The following CERS3 variants were observed in gnomAD, a reference collection of about 807,000 sequenced individuals.
The protein encoded by CERS3 is LAG1 homolog, ceramide synthase 3.
Under a neutral mutation model 50.3 loss-of-function variants are expected in CERS3, and 33 were observed. The observed-to-expected ratio is 0.66, with a 90% CI of 0.50 to 0.88. CERS3 has a LOEUF of 0.88. Among genes scored for constraint, CERS3 ranks in the 40% least tolerant of loss-of-function variants. The pLI is 0.00. For synonymous variants in CERS3, 176 were observed against 155.2 expected, an observed-to-expected ratio of 1.13 and a Z score of -0.99; for missense variants, 470 against 460.3, an observed-to-expected ratio of 1.02 and a Z score of -0.19.
chr15:100,526,513 T>TGTGTGTGTGTGTGTGTGTGTGA (rs71151963), intron 1 of CERS3, among the ~76,000 whole-genome samples: 2 of 151,538 alleles, frequency 1.3e-5, no homozygotes, highest in Non-Finnish European at 2.9e-5. Context: ...TGTGTGTGTG[T>TGTGTGTGTGTGTGTGTGTGTGA]AAAAACAACT....
intron 11 of CERS3, among the ~76,000 whole-genome samples, chr15:100,418,913 C>A (rs1355821455): frequency 5.3e-5 from 8 of 151,948 alleles, no homozygotes; most frequent in East Asian, 1.9e-4. Flanking sequence ...GCCTGCCTTA[C>A]AAGAGCTCCT....
At chr15:100,467,763 C>T (rs796935753) in intron 10 of CERS3, among the ~76,000 whole-genome samples, 1,630 of 119,636 alleles carry the variant, frequency 0.014, 95 homozygotes, top group African/African-American at 0.045. Flanking sequence ...CTCTCTCTCT[C>T]TCTCTCTATA....
chr15:100,442,492 G>A (rs1177516083), intron 11 of CERS3, among the ~76,000 whole-genome samples: 1 of 152,154 alleles, frequency 6.6e-6, no homozygotes, highest in African/African-American at 2.4e-5. Flanking sequence ...CAGCACACAA[G>A]AACTTCCAAA....
rs569310123 is a variant in CERS3 at position 100,513,961 on chromosome 15, T to C, written c.-2+7706A>G. 7.7e-4 allele frequency among the ~76,000 whole-genome samples: 117 copies of C among 152,290 alleles called. 1 individual carries two copies. The highest frequency in any genetic ancestry group is 8.4e-4 in the Non-Finnish European group (57 of 68,028). Reference sequence around the variant, plus strand: ...TCCAGAGCCCCAGATCCCCCAAGGTTCCATAACCTGGCATACAGTAAGTGT... The same window carrying C: ...TCCAGAGCCCCAGATCCCCCAAGGTCCCATAACCTGGCATACAGTAAGTGT... On this transcript the variant is annotated intron_variant, in intron 2 of 11. Transcript: ENST00000679737.
At chr15:100,513,458 C>G (rs544644046) in intron 2 of CERS3, among the ~76,000 whole-genome samples, 1 of 152,114 alleles carries the variant, frequency 6.6e-6, no homozygotes, top group Non-Finnish European at 1.5e-5. Context: ...TGCCCCTCTT[C>G]CCCTCAGTCT....
chr15:100,485,356 G>C (rs1295536112), intron 4 of CERS3, among the ~76,000 whole-genome samples: 1 of 152,172 alleles, frequency 6.6e-6, no homozygotes, highest in Non-Finnish European at 1.5e-5. Flanking sequence ...TTTAAAATTG[G>C]AAACAATATG....
intron 10 of CERS3, among the ~76,000 whole-genome samples, chr15:100,461,402 T>C (rs1039787459): frequency 2.0e-5 from 3 of 152,086 alleles, no homozygotes. Flanking sequence ...GAGAGGCCAG[T>C]GGAATTGGCG....
At chr15:100,497,308 G>GTA (rs2142316178) in intron 3 of CERS3, among the ~76,000 whole-genome samples, 1 of 130,748 alleles carries the variant, frequency 7.6e-6, no homozygotes, top group South Asian at 2.4e-4. Context: ...ATATATGTAT[G>GTA]TGTGTGTGTG....
rs1232414358 is a variant in CERS3, at chr15:100,402,443, AG to A, written c.*269del. The A allele has an allele frequency of 5.9e-5, 25 of 424,934 alleles. No individual in the cohort carries two copies. In the East Asian group the frequency reaches 1.1e-3, roughly 18 times the overall value. The allele number at this position is 424,934 out of a possible 1,614,324, so 26.3% of individuals were successfully genotyped here. On this transcript the variant is annotated 3_prime_UTR_variant, in exon 12 of 12. Transcript: ENST00000679737. ...CCTGAGAAAGTGACATGCATGAGGG[AG>A]TGCAATTAGAACTGAGACGGTTCTG...
chr15:100,485,595 G>A (rs1213939751), intron 4 of CERS3, among the ~76,000 whole-genome samples: 1 of 152,178 alleles, frequency 6.6e-6, no homozygotes, highest in Non-Finnish European at 1.5e-5. Flanking sequence ...AATATTTCTG[G>A]CTGGGTGTGG....
chr15:100,472,917 C>G lies in CERS3; in HGVS notation c.738+7G>C, dbSNP rs1252604779. The G allele has an allele frequency of 6.2e-7, 1 of 1,613,546 alleles. No individual in the cohort carries two copies. The highest frequency in any genetic ancestry group is 1.3e-5 in the African/African-American group (1 of 74,856). On this transcript the variant is annotated splice_region_variant and intron_variant, in intron 9 of 11. Coordinates refer to ENST00000679737, the MANE Select transcript of CERS3 (RefSeq NM_001378789.1). ...TTGTCATTAGTTTTTTAATGGCAAA[C>G]GTTTACCTCCAGCCAAATGTCAGCC...
intron 2 of CERS3, among the ~76,000 whole-genome samples, chr15:100,505,509 A>C (rs73473879): frequency 0.11 from 16,688 of 152,264 alleles, 1,555 homozygotes; most frequent in African/African-American, 0.25. Context: ...ATAAATCTAC[A>C]TTCTTCACTC....
chr15:100,522,876 T>C (rs1343448603), intron 1 of CERS3, among the ~76,000 whole-genome samples: 1 of 152,234 alleles, frequency 6.6e-6, no homozygotes, highest in Non-Finnish European at 1.5e-5. Flanking sequence ...ATAAGGCATA[T>C]GTATATTCAG....
At chr15:100,487,895 T>A (rs1048597837) in intron 4 of CERS3, among the ~76,000 whole-genome samples, 1 of 152,226 alleles carries the variant, frequency 6.6e-6, no homozygotes, top group African/African-American at 2.4e-5. Flanking sequence ...TCAGATCTCT[T>A]CCAGAACTTA....
chr15:100,489,594 G>A (rs185342145), intron 4 of CERS3, among the ~76,000 whole-genome samples: 1 of 151,928 alleles, frequency 6.6e-6, no homozygotes, highest in Non-Finnish European at 1.5e-5. Context: ...CCCAAACAAA[G>A]AAGGATAATA....
At chr15:100,438,917 G>T (rs2033554302) in intron 11 of CERS3, among the ~76,000 whole-genome samples, 1 of 152,208 alleles carries the variant, frequency 6.6e-6, no homozygotes, top group South Asian at 2.1e-4. Flanking sequence ...GTCCTCTTAA[G>T]TAATATTAAA....
chr15:100,439,597 A>T lies in CERS3; in HGVS notation c.999+16296T>A, dbSNP rs74718050. On this transcript the variant is annotated intron_variant, in intron 11 of 11. Coordinates refer to ENST00000679737, the MANE Select transcript of CERS3 (RefSeq NM_001378789.1). ...CAAATGCATTAAATGCTAAACGCTGATTAAATAGAGTTGAAAATGGATTTG... is the reference window on the plus strand; with the variant it reads ...CAAATGCATTAAATGCTAAACGCTGTTTAAATAGAGTTGAAAATGGATTTG... Among the ~76,000 whole-genome samples the T allele has an allele frequency of 9.5e-3, 1,442 of 152,352 alleles. 11 individuals are homozygous for T. The highest frequency in any genetic ancestry group is 0.014 in the Non-Finnish European group (920 of 68,032).
intron 4 of CERS3, among the ~76,000 whole-genome samples, chr15:100,486,205 C>G (rs541951256): frequency 6.6e-6 from 1 of 152,284 alleles, no homozygotes; most frequent in East Asian, 1.9e-4. Flanking sequence ...GGCCAGATGG[C>G]TGAATACCCA....
chr15:100,494,729 C>T (rs1018374317), intron 3 of CERS3, among the ~76,000 whole-genome samples: 22 of 152,184 alleles, frequency 1.4e-4, no homozygotes, highest in Non-Finnish European at 2.6e-4. Flanking sequence ...TTTAGCTAGG[C>T]AGTAAGCAAC....
Sources: allele counts gnomAD v4.1 joint callset (sites outside exome capture counted in the v4.1 genomes callset), GRCh38; gene constraint gnomAD v4.1.1; transcripts MANE v1.5; gene names NCBI Gene and HGNC (gene_info 2026-07-23, HGNC 2026-07-21).